GNAL: variants seen among roughly 807,000 people sequenced by gnomAD.
The protein encoded by GNAL is G protein subunit alpha L, also known as guanine nucleotide-binding protein G(olf) subunit alpha.
In GNAL, 18 loss-of-function variants were observed where a neutral mutation model predicts 55.1. The observed-to-expected ratio is 0.33, with a 90% CI of 0.23 to 0.48. The LOEUF (loss-of-function observed/expected upper bound fraction) is 0.48. Among genes scored for constraint, GNAL ranks in the 20% least tolerant of loss-of-function variants. GNAL has a pLI of 0.99. For synonymous variants in GNAL, 253 were observed against 237.0 expected, an observed-to-expected ratio of 1.07 and a Z score of -0.62; for missense variants, 412 against 614.1, an observed-to-expected ratio of 0.67 and a Z score of 3.48.
At position 11,768,893 on chromosome 18, in the gene GNAL, CAAAA is replaced by C. The variant is rs201256718; in HGVS notation, c.624+14960_624+14963del. Among the ~76,000 whole-genome samples, 57 of 79,584 alleles carry C rather than the reference CAAAA, an allele frequency of 7.2e-4. 2 individuals are homozygous for C. The highest frequency in any genetic ancestry group is 1.7e-3 in the African/African-American group (32 of 18,826). 52.2% of individuals were successfully genotyped at this position (79,584 alleles called of 152,430 possible). A position where few individuals can be genotyped will look rare whatever the true frequency, so the allele number is the denominator to read the frequency against. ...TGGGCGACGGAGCAAGACTCTGTCT[CAAAA>C]AAAAAAAAAAATATATATATAACAT... On this transcript the variant is annotated intron_variant, in intron 4 of 11. Coordinates refer to ENST00000334049, the MANE Select transcript of GNAL (RefSeq NM_182978.4).
Position 11,752,642 on chromosome 18 carries a change from C to T in GNAL, c.377-211C>T. On this transcript the variant is annotated intron_variant, in intron 1 of 11. Coordinates refer to ENST00000334049, the MANE Select transcript of GNAL (RefSeq NM_182978.4). This position sits in a 1 kb window ranked among gnomAD's most constrained non-coding sequence, Gnocchi z 4.5. ...GGAGCGCACAGCCAGGAGCGGCGAGCGCCAGGCTGGGCGGGCAGGGCCGGG... is the reference window on the plus strand; with the variant it reads ...GGAGCGCACAGCCAGGAGCGGCGAGTGCCAGGCTGGGCGGGCAGGGCCGGG... 1 of 1,454,056 alleles carries T rather than the reference C, an allele frequency of 6.9e-7. No individual in the cohort carries two copies. The highest frequency in any genetic ancestry group is 9.0e-7 in the Non-Finnish European group (1 of 1,107,696). 90.1% of individuals were successfully genotyped at this position (1,454,056 alleles called of 1,614,324 possible).
intron 1 of GNAL, among the ~76,000 whole-genome samples, chr18:11,694,777 C>T (rs917584794): frequency 1.3e-5 from 2 of 152,154 alleles, no homozygotes; most frequent in African/African-American, 2.4e-5. Context: ...CAAAAACAGA[C>T]GTTTATTTTC....
At chr18:11,857,638 G>C (rs1004181472) in intron 5 of GNAL, 6 of 985,290 alleles carry the variant, frequency 6.1e-6, no homozygotes, top group South Asian at 9.4e-5. Flanking sequence ...ATGAATCACT[G>C]ATCACCTGGG....
rs141085371 is a variant in GNAL at position 11,736,843 on chromosome 18, A to T, written c.377-16010A>T. On this transcript the variant is annotated intron_variant, in intron 1 of 11. Transcript: ENST00000334049. The stretch of plus-strand genomic sequence containing the variant: ...GATTAGTCAGTAGGACTGTAGCAAC[A>T]TTTGTAGTTATGTAAGAGAATCTCA... Among the ~76,000 whole-genome samples the T allele has an allele frequency of 4.2e-4, 64 of 152,340 alleles. 1 individual carries two copies. The highest frequency in any genetic ancestry group is 7.6e-4 in the Non-Finnish European group (52 of 68,042).
intron 2 of GNAL, 59 bp from the exon 3 acceptor site, chr18:11,753,569 A>C (rs1373129592): frequency 2.8e-6 from 3 of 1,077,156 alleles, no homozygotes; most frequent in Admixed American, 1.7e-5. Context: ...ATCCCACTCA[A>C]TTGATTGGAA....
intron 11 of GNAL, among the ~76,000 whole-genome samples, chr18:11,880,144 C>A (rs2036635233): frequency 6.6e-6 from 1 of 150,476 alleles, no homozygotes; most frequent in Admixed American, 6.7e-5. Flanking sequence ...GTAATCCCAG[C>A]TACTCAGGAG....
intron 4 of GNAL, among the ~76,000 whole-genome samples, chr18:11,778,740 CCAT>C (rs2033850888): frequency 6.6e-6 from 1 of 151,926 alleles, no homozygotes; most frequent in Admixed American, 6.6e-5. Flanking sequence ...TTATCAGTTC[CCAT>C]CATGGATTGG....
chr18:11,834,235 G>A (rs762266133), intron 5 of GNAL, among the ~76,000 whole-genome samples: 3 of 152,158 alleles, frequency 2.0e-5, no homozygotes, highest in East Asian at 3.8e-4. Flanking sequence ...CTTAGATGAC[G>A]GTTGAGTTTT....
chr18:11,770,514 G>T (rs2033601166), intron 4 of GNAL, among the ~76,000 whole-genome samples: 1 of 152,266 alleles, frequency 6.6e-6, no homozygotes, highest in South Asian at 2.1e-4. Flanking sequence ...TGCAATCTCA[G>T]TCAAACGAGT....
At chr18:11,779,367 A>G (rs952848551) in intron 4 of GNAL, among the ~76,000 whole-genome samples, 3 of 152,226 alleles carry the variant, frequency 2.0e-5, no homozygotes, top group Non-Finnish European at 2.9e-5. Flanking sequence ...TATATGTGGT[A>G]ATGCAGATTG....
At chr18:11,837,967 CCTT>C (rs1568050409) in intron 5 of GNAL, among the ~76,000 whole-genome samples, 2 of 152,080 alleles carry the variant, frequency 1.3e-5, no homozygotes, top group African/African-American at 4.8e-5. Context: ...TGGTGAAATC[CCTT>C]CTTACGAAAA....
chr18:11,872,093 T>C (rs2036411098), intron 9 of GNAL, among the ~76,000 whole-genome samples, 175 bp from the exon 10 acceptor site: 1 of 152,226 alleles, frequency 6.6e-6, no homozygotes, highest in African/African-American at 2.4e-5. Context: ...CCTGTACCTA[T>C]ATTTGTTTAT....
chr18:11,806,238 C>G (rs1480122908), intron 4 of GNAL, among the ~76,000 whole-genome samples: 1 of 152,108 alleles, frequency 6.6e-6, no homozygotes, highest in Non-Finnish European at 1.5e-5. Context: ...AAATTCTGGA[C>G]ATAGTCCCCT....
chr18:11,692,733 A>G (rs1369264763), intron 1 of GNAL, among the ~76,000 whole-genome samples: 1 of 151,730 alleles, frequency 6.6e-6, no homozygotes, highest in Non-Finnish European at 1.5e-5. Flanking sequence ...CCTGGGTAGC[A>G]TAGTAAAACC....
At chr18:11,724,934 A>G (rs1204815282) in intron 1 of GNAL, among the ~76,000 whole-genome samples, 1 of 152,198 alleles carries the variant, frequency 6.6e-6, no homozygotes, top group Admixed American at 6.5e-5. Context: ...GGGCCTGCCA[A>G]AGGCTCCAAA....
At chr18:11,754,491 C>A (rs909876093) in intron 4 of GNAL, among the ~76,000 whole-genome samples, 1 of 151,822 alleles carries the variant, frequency 6.6e-6, no homozygotes, top group Non-Finnish European at 1.5e-5. Flanking sequence ...GGCTGATAAT[C>A]GGGAAGGCAG....
intron 1 of GNAL, chr18:11,746,980 G>A (rs1846523014): frequency 3.9e-6 from 2 of 517,686 alleles, no homozygotes; most frequent in African/African-American, 1.9e-5. Context: ...AGTAGATTTG[G>A]AAGAACACAG....
At chr18:11,850,022 T>C (rs754930491) in intron 5 of GNAL, among the ~76,000 whole-genome samples, 12 of 152,236 alleles carry the variant, frequency 7.9e-5, no homozygotes, top group Admixed American at 1.3e-4. Context: ...GGAGGCTCCA[T>C]GGTGAAGGTG....
chr18:11,795,390 CAAA>C (rs752221474), intron 4 of GNAL, among the ~76,000 whole-genome samples: 9 of 68,246 alleles, frequency 1.3e-4, no homozygotes, highest in Admixed American at 3.4e-4. Context: ...GACCCTGTCT[CAAA>C]AAAAAAAAAA....
Sources: gnomAD v4.1 joint callset for allele counts (sites outside exome capture counted in the v4.1 genomes callset) on GRCh38, gnomAD v4.1.1 for gene constraint, Gnocchi (gnomAD v3.1) non-coding constraint, MANE v1.5 for transcripts, NCBI Gene and HGNC (gene_info 2026-07-23, HGNC 2026-07-21) for gene names.